TMEM178B: variants seen among roughly 807,000 people sequenced by gnomAD.
TMEM178B encodes transmembrane protein 178B.
TMEM178B carries 5 observed loss-of-function variants against 31.0 expected under a neutral mutation model. The ratio of observed to expected loss-of-function variants is 0.16; its 90% CI spans 0.08 to 0.34. TMEM178B has a LOEUF of 0.34. Among genes scored for constraint, TMEM178B ranks in the 10% least tolerant of loss-of-function variants. The pLI, the probability that TMEM178B is intolerant of heterozygous loss-of-function variation, is 1.00. For synonymous variants in TMEM178B, 164 were observed against 164.0 expected, an observed-to-expected ratio of 1.00 and a Z score of 0.00; for missense variants, 275 against 400.3, an observed-to-expected ratio of 0.69 and a Z score of 2.67.
the TMEM178B span, among the ~76,000 whole-genome samples, chr7:141,503,161 G>A: frequency 6.6e-6 from 1 of 152,150 alleles, no homozygotes; most frequent in African/African-American, 2.4e-5. Flanking sequence ...ATACTCATTT[G>A]GACTATTTTA....
At chr7:141,227,387 G>T (rs559980209) in intron 2 of TMEM178B, among the ~76,000 whole-genome samples, 1 of 152,344 alleles carries the variant, frequency 6.6e-6, no homozygotes, top group East Asian at 1.9e-4. Context: ...CATGGAGCTT[G>T]CATTCGTATG....
downstream of TMEM178B, among the ~76,000 whole-genome samples, chr7:141,484,809 G>A (rs143105776): frequency 7.0e-3 from 1,067 of 152,108 alleles, 19 homozygotes; most frequent in African/African-American, 0.022. The surrounding 1 kb of genome is among the most constrained non-coding windows in gnomAD (Gnocchi z 4.8). Flanking sequence ...TGATCCGCCC[G>A]CCTCGGCCTC....
intron 2 of TMEM178B, among the ~76,000 whole-genome samples, chr7:141,293,067 C>T (rs540193022): frequency 1.8e-4 from 28 of 152,268 alleles, no homozygotes; most frequent in Non-Finnish European, 3.4e-4. Flanking sequence ...ATAGGTCCAC[C>T]GCAATCCCAG....
intron 3 of TMEM178B, among the ~76,000 whole-genome samples, chr7:141,441,068 C>T (rs2116687926): frequency 6.6e-6 from 1 of 152,306 alleles, no homozygotes; most frequent in South Asian, 2.1e-4. Context: ...TTCTTTCCAA[C>T]TGGGTTAGAC....
chr7:141,268,131 C>T (rs764733249), intron 2 of TMEM178B, among the ~76,000 whole-genome samples: 2 of 152,010 alleles, frequency 1.3e-5, no homozygotes, highest in African/African-American at 2.4e-5. Flanking sequence ...TTTTTTTGCA[C>T]CAAAATAAAC....
At chr7:141,284,342 TTTG>T (rs1798410407) in intron 2 of TMEM178B, among the ~76,000 whole-genome samples, 1 of 152,230 alleles carries the variant, frequency 6.6e-6, no homozygotes, top group African/African-American at 2.4e-5. Context: ...TATCACCAGT[TTTG>T]TTGTTATTAG....
chr7:141,329,692 C>T (rs1246499645), intron 2 of TMEM178B, among the ~76,000 whole-genome samples: 2 of 152,180 alleles, frequency 1.3e-5, no homozygotes, highest in African/African-American at 2.4e-5. Flanking sequence ...GAAAATCAAC[C>T]TGTGTTCCAG....
At chr7:141,096,149 G>C (rs1563086313) in intron 1 of TMEM178B, among the ~76,000 whole-genome samples, 2 of 152,168 alleles carry the variant, frequency 1.3e-5, no homozygotes, top group Non-Finnish European at 2.9e-5. Context: ...TAATAGAGTA[G>C]TATTCTAGTC....
chr7:141,199,389 A>C lies in TMEM178B; in HGVS notation c.383-13202A>C, dbSNP rs1379857198. ...AAGAAAAAGAGTCTCTTGATAAAGG[A>C]ATGAAAAGAACCTGGTTAGCAAATG... On this transcript the variant is annotated intron_variant, in intron 1 of 3. Coordinates refer to ENST00000565468, the MANE Select transcript of TMEM178B (RefSeq NM_001195278.2). 1.3e-5 allele frequency among the ~76,000 whole-genome samples: 2 copies of C among 152,176 alleles called. 1 individual carries two copies.
At chr7:141,170,559 C>T (rs1796331636) in intron 1 of TMEM178B, among the ~76,000 whole-genome samples, 1 of 152,184 alleles carries the variant, frequency 6.6e-6, no homozygotes, top group Non-Finnish European at 1.5e-5. Context: ...TGGAATTGCT[C>T]TGCAAATGAT....
At chr7:141,352,904 A>T (rs1045626840) in intron 2 of TMEM178B, 1 of 152,230 alleles carries the variant, frequency 6.6e-6, no homozygotes, top group Non-Finnish European at 1.5e-5. Context: ...GAGTATCCCA[A>T]ATGTGCCAGG....
At chr7:141,436,613 G>T (rs1341350863) in intron 2 of TMEM178B, among the ~76,000 whole-genome samples, 1 of 151,940 alleles carries the variant, frequency 6.6e-6, no homozygotes, top group Admixed American at 6.6e-5. Flanking sequence ...GATGGATGAG[G>T]AAAGTGTGCC....
At chr7:141,172,598 A>G (rs1301243032) in intron 1 of TMEM178B, among the ~76,000 whole-genome samples, 2 of 152,202 alleles carry the variant, frequency 1.3e-5, no homozygotes, top group African/African-American at 4.8e-5. Context: ...CTTGAGAAGT[A>G]ACTGACCAGG....
the TMEM178B span, among the ~76,000 whole-genome samples, chr7:141,503,668 C>T: frequency 6.6e-6 from 1 of 152,292 alleles, no homozygotes; most frequent in East Asian, 1.9e-4. Context: ...TAAACCCTAA[C>T]TCACACCTAT....
intron 2 of TMEM178B, among the ~76,000 whole-genome samples, chr7:141,285,892 T>C (rs1798440523): frequency 6.6e-6 from 1 of 151,982 alleles, no homozygotes; most frequent in Admixed American, 6.6e-5. Flanking sequence ...AGTTGAACAA[T>C]GAAAACACAT....
At position 141,360,892 on chromosome 7, in the gene TMEM178B, T is replaced by G. The variant is rs886586661; in HGVS notation, c.497-76716T>G. ...TTAGGAACAAAATACCATCCAATAC[T>G]CCATGGTGGAAGAAAAAAAAAAGTG... On this transcript the variant is annotated intron_variant, in intron 2 of 3. Transcript: ENST00000565468. Among the ~76,000 whole-genome samples, 2 of 151,554 alleles carry G rather than the reference T, an allele frequency of 1.3e-5. 1 individual carries two copies. The highest frequency in any genetic ancestry group is 1.3e-4 in the Admixed American group (2 of 15,218).
the TMEM178B span, among the ~76,000 whole-genome samples, chr7:141,488,057 G>A: frequency 2.0e-5 from 3 of 151,030 alleles, no homozygotes; most frequent in Admixed American, 6.6e-5. Context: ...TCATATACTA[G>A]AACAGTGAAG....
intron 2 of TMEM178B, among the ~76,000 whole-genome samples, chr7:141,218,609 G>A (rs1251717846): frequency 6.6e-6 from 1 of 151,896 alleles, no homozygotes; most frequent in Non-Finnish European, 1.5e-5. Flanking sequence ...GGATCTTGGG[G>A]CAGGACTCTT....
At chr7:141,305,621 G>A (rs1428713867) in intron 2 of TMEM178B, among the ~76,000 whole-genome samples, 1 of 152,068 alleles carries the variant, frequency 6.6e-6, no homozygotes, top group African/African-American at 2.4e-5. Context: ...TTTTAGTACA[G>A]ATGGGGTTTC....
Sources: gnomAD v4.1 joint callset for allele counts (sites outside exome capture counted in the v4.1 genomes callset) on GRCh38, gnomAD v4.1.1 for gene constraint, Gnocchi (gnomAD v3.1) non-coding constraint, MANE v1.5 for transcripts, NCBI Gene and HGNC (gene_info 2026-07-23, HGNC 2026-07-21) for gene names.